Variants in ARPP21 observed in about 807,000 individuals in gnomAD.
ARPP21 encodes cAMP regulated phosphoprotein 21.
In ARPP21, 69 loss-of-function variants were observed where a neutral mutation model predicts 113.2. The ratio of observed to expected loss-of-function variants is 0.61; its 90% CI spans 0.50 to 0.74. The LOEUF (loss-of-function observed/expected upper bound fraction) is 0.74. Among genes scored for constraint, ARPP21 ranks in the 30% least tolerant of loss-of-function variants. The probability of loss-of-function intolerance (pLI) is 0.00; values close to 1 mark genes in which losing one functional copy is unlikely to be tolerated. For synonymous variants in ARPP21, 368 were observed against 375.5 expected (o/e 0.98, Z 0.23); for missense variants, 1,070 against 1,037.4 (o/e 1.03, Z -0.43).
At chr3:35,750,779 C>T (rs2095374211) in intron 19 of ARPP21, among the ~76,000 whole-genome samples, 1 of 152,072 alleles carries the variant, frequency 6.6e-6, no homozygotes, top group Admixed American at 6.6e-5. Flanking sequence ...TCAGACCATG[C>T]TATCTTTTAG....
intron 9 of ARPP21, among the ~76,000 whole-genome samples, chr3:35,695,983 A>T (rs1237422302): frequency 6.6e-6 from 1 of 151,576 alleles, no homozygotes; most frequent in Non-Finnish European, 1.5e-5. Flanking sequence ...CAAATCCAGG[A>T]GACTTTAAAA....
At chr3:35,763,566 A>G (rs1224729684) in intron 19 of ARPP21, among the ~76,000 whole-genome samples, 1 of 152,144 alleles carries the variant, frequency 6.6e-6, no homozygotes, top group Non-Finnish European at 1.5e-5. Context: ...AATCCCATGG[A>G]ACCACATGGA....
chr3:35,788,307 G>T (rs73828915), intron 19 of ARPP21, among the ~76,000 whole-genome samples: 2 of 152,128 alleles, frequency 1.3e-5, no homozygotes, highest in South Asian at 4.1e-4. Flanking sequence ...CAGAATCAGG[G>T]CTCTTGCTGG....
Position 35,739,561 on chromosome 3 carries a change from A to C in ARPP21, c.1994A>C (p.Gln665Pro), listed in dbSNP as rs138698634. ...CCCTCACCACAGGGATTTGTGCAAC[A>C]GCCTCCGCCTGCACAGGTAGGTGTG... ...PPPSPQGFVQ[Q>P]PPPAQMPVYY... The change falls in exon 18 of 21, where the codon CAG becomes CCG. Residue 665 changes from glutamine (Q) to proline (P), a missense_variant. By Grantham distance (76) the Gln-to-Pro change is moderately conservative. Transcript: ENST00000684406. 3.8e-5 allele frequency: 61 copies of C among 1,612,922 alleles called. No individual in the cohort carries two copies. The highest frequency in any genetic ancestry group is 5.2e-5 in the Non-Finnish European group (61 of 1,179,328).
intron 9 of ARPP21, among the ~76,000 whole-genome samples, chr3:35,691,451 CCT>C (rs2082214378): frequency 6.6e-6 from 1 of 151,582 alleles, no homozygotes; most frequent in Non-Finnish European, 1.5e-5. Flanking sequence ...AAGCTCCGAA[CCT>C]AGAGGCAGAA....
intron 1 of ARPP21, among the ~76,000 whole-genome samples, chr3:35,658,615 C>G (rs537450765): frequency 1.3e-5 from 2 of 152,098 alleles, no homozygotes; most frequent in East Asian, 3.9e-4. Flanking sequence ...GATGACATAC[C>G]CATAAGCCTT....
At chr3:35,723,124 G>A (rs1576312265) in intron 14 of ARPP21, among the ~76,000 whole-genome samples, 1 of 152,066 alleles carries the variant, frequency 6.6e-6, no homozygotes. Flanking sequence ...GTGAGTGGGA[G>A]GCCAAGGCAG....
At chr3:35,743,446 GGT>G (rs2094803360) in intron 18 of ARPP21, among the ~76,000 whole-genome samples, 2 of 152,138 alleles carry the variant, frequency 1.3e-5, no homozygotes, top group African/African-American at 2.4e-5. Flanking sequence ...GGAACTGGAG[GGT>G]AACCAGTCAA....
chr3:35,748,565 A>T (rs2095280964), intron 19 of ARPP21, among the ~76,000 whole-genome samples: 1 of 152,166 alleles, frequency 6.6e-6, no homozygotes, highest in Admixed American at 6.5e-5. Context: ...TTATAAAAAG[A>T]CTGTAATTTT....
At chr3:35,658,481 A>G (rs1263180993) in intron 1 of ARPP21, among the ~76,000 whole-genome samples, 1 of 151,736 alleles carries the variant, frequency 6.6e-6, no homozygotes, top group Non-Finnish European at 1.5e-5. Flanking sequence ...AATATGAACA[A>G]CTCTGGGAGT....
At chr3:35,745,962 T>C (rs908725525) in intron 19 of ARPP21, among the ~76,000 whole-genome samples, 20 of 152,248 alleles carry the variant, frequency 1.3e-4, no homozygotes, top group African/African-American at 3.6e-4. Context: ...TAGAGCAGCA[T>C]CAAGCTAAAT....
chr3:35,760,148 C>G (rs1467835944), intron 19 of ARPP21, among the ~76,000 whole-genome samples: 2 of 152,026 alleles, frequency 1.3e-5, no homozygotes, highest in Non-Finnish European at 2.9e-5. Context: ...TGTAAAAACA[C>G]TAAAAAGACA....
intron 15 of ARPP21, among the ~76,000 whole-genome samples, 200 bp downstream of exon 15, chr3:35,729,736 A>C (rs2093810577): frequency 6.6e-6 from 1 of 152,224 alleles, no homozygotes; most frequent in African/African-American, 2.4e-5. Context: ...CTTCATATCA[A>C]TATCTATATT....
At chr3:35,716,778 T>C (rs1056076990) in intron 12 of ARPP21, among the ~76,000 whole-genome samples, 4 of 152,008 alleles carry the variant, frequency 2.6e-5, no homozygotes, top group African/African-American at 9.7e-5. Context: ...TGAGTGTCCC[T>C]TATATTATGT....
In ARPP21 at chr3:35,681,724, C is replaced by A. The variant is rs745543067; in HGVS notation, c.-28C>A. The A allele has an allele frequency of 5.0e-6, 8 of 1,593,182 alleles. No homozygotes were observed. The highest frequency in any genetic ancestry group is 1.7e-4 in the Middle Eastern group (1 of 5,986). The stretch of plus-strand genomic sequence containing the variant: ...ATCTTAACCTTCTAGGGCATAAAAT[C>A]TTGTTATTTTAATTTGCATCTGGGA... On this transcript the variant is annotated 5_prime_UTR_variant, in exon 3 of 21. Coordinates refer to ENST00000684406, the MANE Select transcript of ARPP21 (RefSeq NM_001385562.1).
At chr3:35,753,278 C>T (rs1252563117) in intron 19 of ARPP21, among the ~76,000 whole-genome samples, 1 of 151,860 alleles carries the variant, frequency 6.6e-6, no homozygotes, top group Non-Finnish European at 1.5e-5. Context: ...AATAGAATGA[C>T]AGCCTAACAA....
rs747284341 is a variant in ARPP21, at chr3:35,683,802, G to A, written c.248G>A (p.Ser83Asn). The A allele has an allele frequency of 2.7e-6, 4 of 1,495,270 alleles. No homozygotes were observed. The highest frequency in any genetic ancestry group is 9.3e-7 in the Non-Finnish European group (1 of 1,073,710). 92.6% of individuals were successfully genotyped at this position (1,495,270 alleles called of 1,614,324 possible). A position where few individuals can be genotyped will look rare whatever the true frequency, so the allele number is the denominator to read the frequency against. Residue 83 changes from serine (S) to asparagine (N), a missense_variant, in exon 5 of 21, where the codon AGT becomes AAT. Coordinates refer to ENST00000684406, the MANE Select transcript of ARPP21 (RefSeq NM_001385562.1). ...TCTTCTGCCAGACCAGGAGGTGAAA[G>A]TCTTCAGGATCAGGTATATCCCCTT... ...EESSARPGGESLQDQESIHLQ... is the reference protein window; with the variant it reads ...EESSARPGGENLQDQESIHLQ...
At chr3:35,751,533 G>C (rs1221185269) in intron 19 of ARPP21, among the ~76,000 whole-genome samples, 1 of 152,110 alleles carries the variant, frequency 6.6e-6, no homozygotes, top group Middle Eastern at 3.2e-3. Flanking sequence ...GAAGACAATA[G>C]TGGAAGTCTT....
rs73825894 is a variant in ARPP21 at position 35,661,092 on chromosome 3, T to C, written c.-212-18695T>C. ...GCTGGGTAAATAATAGTTTATCAACTTCACTGGCATAACAAGGCCTAATTA... is the reference window on the plus strand; with the variant it reads ...GCTGGGTAAATAATAGTTTATCAACCTCACTGGCATAACAAGGCCTAATTA... On this transcript the variant is annotated intron_variant, in intron 1 of 20. Transcript: ENST00000684406. Among the ~76,000 whole-genome samples the C allele has an allele frequency of 5.7e-3, 861 of 152,248 alleles. 10 individuals are homozygous for C. Among genetic ancestry groups the C allele is most frequent in the African/African-American group, 0.019 (777 of 41,556 alleles).
Sources: gnomAD v4.1 joint callset for allele counts (sites outside exome capture counted in the v4.1 genomes callset) on GRCh38, gnomAD v4.1.1 for gene constraint, MANE v1.5 for transcripts, NCBI Gene and HGNC (gene_info 2026-07-23, HGNC 2026-07-21) for gene names.